The following FAM149A variants were observed in gnomAD, a reference collection of about 807,000 sequenced individuals.
FAM149A encodes family with sequence similarity 149 member A.
Under a neutral mutation model 78.2 loss-of-function variants are expected in FAM149A, and 71 were observed. That is an observed-to-expected ratio of 0.91 (90% CI 0.75 to 1.11). The LOEUF is 1.11. Among genes scored for constraint, FAM149A ranks in the 50% least tolerant of loss-of-function variants. FAM149A has a pLI of 0.00. For synonymous variants in FAM149A, 446 were observed against 410.5 expected, an observed-to-expected ratio of 1.09 and a Z score of -1.04; for missense variants, 1,036 against 971.0, an observed-to-expected ratio of 1.07 and a Z score of -0.89.
At chr4:186,161,378 G>A (rs1385205596) in intron 8 of FAM149A, among the ~76,000 whole-genome samples, 5 of 152,188 alleles carry the variant, frequency 3.3e-5, no homozygotes, top group African/African-American at 1.2e-4. Context: ...TGTGCTTCGG[G>A]GAGCAGTGGG....
At chr4:186,153,269 G>A (rs1176123091) in intron 4 of FAM149A, 1 of 970,342 alleles carries the variant, frequency 1.0e-6, no homozygotes, top group African/African-American at 1.8e-5. Flanking sequence ...TGTTATGTTT[G>A]TGTTTAACTG....
chr4:186,126,132 A>G (rs2099318224), intron 1 of FAM149A: 1 of 976,688 alleles, frequency 1.0e-6, no homozygotes, highest in African/African-American at 1.7e-5. Context: ...TTTCATTAGT[A>G]TCATATCACT....
intron 8 of FAM149A, 48 bp from the exon 9 acceptor site, chr4:186,162,797 G>C (rs763433042): frequency 5.9e-5 from 60 of 1,022,480 alleles, no homozygotes; most frequent in Non-Finnish European, 8.3e-5. Flanking sequence ...AACGGCACTG[G>C]GCATTTGTAA....
intron 1 of FAM149A, among the ~76,000 whole-genome samples, chr4:186,111,938 C>A (rs1316854558): frequency 2.0e-5 from 3 of 151,630 alleles, no homozygotes; most frequent in Non-Finnish European, 4.4e-5. Flanking sequence ...TGAAGAAAGT[C>A]ATTGGTAGCT....
intron 1 of FAM149A, among the ~76,000 whole-genome samples, chr4:186,135,059 C>G (rs1045551942): frequency 3.3e-5 from 5 of 152,172 alleles, no homozygotes; most frequent in African/African-American, 7.2e-5. Context: ...AATCCACATT[C>G]GCACTGCAGA....
chr4:186,118,331 C>G, intron 1 of FAM149A: 1 of 678,218 alleles, frequency 1.5e-6, no homozygotes, highest in Non-Finnish European at 1.8e-6. Context: ...CTTGCAGTTA[C>G]CAGGTAGCTA....
At chr4:186,140,441 C>CTTTTTTTTTTTTTTTTTTTTTTTTTTTT (rs67506672) in intron 1 of FAM149A, among the ~76,000 whole-genome samples, 1 of 104,964 alleles carries the variant, frequency 9.5e-6, no homozygotes, top group Non-Finnish European at 1.8e-5. Flanking sequence ...ACACACCTAG[C>CTTTTTTTTTTTTTTTTTTTTTTTTTTTT]TTTTTTTTTT....
chr4:186,155,400 C>T (rs779043965), intron 6 of FAM149A, among the ~76,000 whole-genome samples: 3 of 152,156 alleles, frequency 2.0e-5, no homozygotes, highest in Non-Finnish European at 4.4e-5. Flanking sequence ...AATCAAGCAT[C>T]TTTTCTGATC....
chr4:186,151,926 G>A lies in FAM149A; in HGVS notation c.813G>A (p.Gln271=). ...AGGAATTTGACGAAGCCAGTTCACAGTCAGTGCAGCGGTTACTCTGGGAGG... is the reference window on the plus strand; with the variant it reads ...AGGAATTTGACGAAGCCAGTTCACAATCAGTGCAGCGGTTACTCTGGGAGG... The change falls in exon 4 of 14, where the codon CAG becomes CAA. Residue 271 remains glutamine (Q), a synonymous_variant. Coordinates refer to ENST00000389354, the MANE Select transcript of FAM149A (RefSeq NM_001367768.3). 3 of 1,614,170 alleles carry A rather than the reference G, an allele frequency of 1.9e-6. No homozygotes were observed. Among genetic ancestry groups the A allele is most frequent in the Non-Finnish European group, 2.5e-6 (3 of 1,180,008 alleles).
At chr4:186,119,869 G>A (rs147258914) in intron 1 of FAM149A, among the ~76,000 whole-genome samples, 194 of 152,286 alleles carry the variant, frequency 1.3e-3, no homozygotes, top group African/African-American at 4.3e-3. Flanking sequence ...TCATAATCCA[G>A]TTGAACTAAG....
In FAM149A at chr4:186,113,308, G is replaced by T. The variant is rs28968797; in HGVS notation, c.566+7666G>T. Reference sequence around the variant, plus strand: ...TCTCTTTTTTTATTAGTCTTGCTAGGGGTCTATCAATTTTGTTGATCCTTT... The same window carrying T: ...TCTCTTTTTTTATTAGTCTTGCTAGTGGTCTATCAATTTTGTTGATCCTTT... On this transcript the variant is annotated intron_variant, in intron 1 of 13. Transcript: ENST00000389354. Among the ~76,000 whole-genome samples the T allele has an allele frequency of 1.7e-3, 218 of 125,518 alleles. 1 individual carries two copies. Among genetic ancestry groups the T allele is most frequent in the African/African-American group, 5.5e-3 (181 of 32,782 alleles). The allele number at this position is 125,518 out of a possible 152,430, so 82.3% of individuals were successfully genotyped here. A position where few individuals can be genotyped will look rare whatever the true frequency, so the allele number is the denominator to read the frequency against.
intron 1 of FAM149A, chr4:186,127,171 C>T (rs1157548530): frequency 1.0e-6 from 1 of 980,512 alleles, no homozygotes; most frequent in Non-Finnish European, 1.2e-6. Context: ...CACCTCTCGC[C>T]AACTCCACCC....
chr4:186,167,251 G>C lies in FAM149A; in HGVS notation c.2207G>C (p.Ser736Thr), dbSNP rs1182877435. 4 of 1,612,998 alleles carry C rather than the reference G, an allele frequency of 2.5e-6. No individual in the cohort carries two copies. The highest frequency in any genetic ancestry group is 3.4e-6 in the Non-Finnish European group (4 of 1,178,964). ...GCTGCTCACACATGGACAGGTCAAA[G>C]TATTTTGACAGGTCAGCTTTTCTCC... The change falls in exon 13 of 14, where the codon AGT becomes ACT. Residue 736 changes from serine to threonine, a missense_variant. Ser to Thr is a moderately conservative substitution (Grantham distance 58). Around this residue, in one of 3 missense-constraint regions of FAM149A, gnomAD observed 716 missense variants for 711.8 expected, o/e 1.01. Coordinates refer to ENST00000389354, the MANE Select transcript of FAM149A (RefSeq NM_001367768.3).
chr4:186,166,706 C>G (rs1561418776), intron 11 of FAM149A, among the ~76,000 whole-genome samples: 1 of 117,068 alleles, frequency 8.5e-6, no homozygotes, highest in East Asian at 2.5e-4. Context: ...TGCTACTTCA[C>G]AAATGCAGAA....
intron 1 of FAM149A, among the ~76,000 whole-genome samples, chr4:186,112,392 T>C (rs1431509508): frequency 1.0e-5 from 1 of 98,116 alleles, no homozygotes; most frequent in Admixed American, 1.3e-4. Context: ...CTTTATTTCC[T>C]TCTCCTGCCT....
At chr4:186,154,813 C>T (rs1196327142) in intron 6 of FAM149A, 175 bp downstream of exon 6, 3 of 985,248 alleles carry the variant, frequency 3.0e-6, no homozygotes, top group African/African-American at 1.7e-5. Context: ...CAGCGGTGCA[C>T]GTGCGGGAGC....
At chr4:186,137,021 A>ACTCTCCCTCTCTCTCTCTCTCTCTCTC (rs1554068550) in intron 1 of FAM149A, among the ~76,000 whole-genome samples, 1 of 93,742 alleles carries the variant, frequency 1.1e-5, no homozygotes, top group Admixed American at 1.4e-4. Flanking sequence ...TCTCTCTCTA[A>ACTCTCCCTCTCTCTCTCTCTCTCTCTC]GTGCTTAAAG....
intron 1 of FAM149A, among the ~76,000 whole-genome samples, chr4:186,135,713 C>G (rs756923670): frequency 1.6e-4 from 24 of 152,328 alleles, no homozygotes; most frequent in Non-Finnish European, 3.5e-4. Context: ...CTTAGGAACA[C>G]TCGGCAGCTT....
chr4:186,122,839 C>T (rs1253297521), intron 1 of FAM149A: 8 of 640,886 alleles, frequency 1.2e-5, no homozygotes, highest in Non-Finnish European at 1.6e-5. Context: ...ATTCTTGCCT[C>T]CTTTTTTGGA....
Sources: gnomAD v4.1 joint callset for allele counts (sites outside exome capture counted in the v4.1 genomes callset) on GRCh38, gnomAD v4.1.1 for gene constraint, gnomAD v4.1.1 regional missense constraint, MANE v1.5 for transcripts, NCBI Gene and HGNC (gene_info 2026-07-23, HGNC 2026-07-21) for gene names.